Variants in GSE1 observed in about 807,000 individuals in gnomAD.
The protein encoded by GSE1 is genetic suppressor element 1.
GSE1 carries 32 observed loss-of-function variants against 112.6 expected under a neutral mutation model. That is an observed-to-expected ratio of 0.28 (90% confidence interval 0.21 to 0.38). The LOEUF (loss-of-function observed/expected upper bound fraction) is 0.38, where lower values mean the gene tolerates loss of function less well. GSE1 is among the 10% of genes least tolerant of loss of function. The probability of loss-of-function intolerance (pLI) is 1.00; values close to 1 mark genes in which losing one functional copy is unlikely to be tolerated. For missense variants in GSE1, 2,348 were observed against 1,699.2 expected, an observed-to-expected ratio of 1.38 and a Z score of -6.71; for synonymous variants, 1,115 against 735.6, an observed-to-expected ratio of 1.52 and a Z score of -8.35.
At chr16:85,430,502 C>T (rs2049094096) in intron 2 of GSE1, among the ~76,000 whole-genome samples, 2 of 152,198 alleles carry the variant, frequency 1.3e-5, no homozygotes, top group African/African-American at 2.4e-5. Context: ...GGAGCCCGGC[C>T]TGGGAATGAC....
chr16:85,245,348 C>T (rs763870265), intron 1 of GSE1, among the ~76,000 whole-genome samples: 12 of 152,214 alleles, frequency 7.9e-5, no homozygotes, highest in Non-Finnish European at 4.4e-5. Flanking sequence ...CCTCCCGAGA[C>T]TTTCTGCCGG....
chr16:85,170,323 G>A (rs1261607574), exon 1 of GSE1: 3 of 985,364 alleles, frequency 3.0e-6, no homozygotes, highest in African/African-American at 3.5e-5. Flanking sequence ...GGTTCCCGAG[G>A]CCCGGGCCAG....
At chr16:85,538,587 C>T (rs1249289210) in intron 2 of GSE1, among the ~76,000 whole-genome samples, 1 of 152,102 alleles carries the variant, frequency 6.6e-6, no homozygotes, top group Non-Finnish European at 1.5e-5. Flanking sequence ...CTAAAGGTGC[C>T]CTGGGGGAGC....
chr16:85,318,419 A>T (rs1279542426), intron 1 of GSE1, among the ~76,000 whole-genome samples: 1 of 152,068 alleles, frequency 6.6e-6, no homozygotes, highest in Non-Finnish European at 1.5e-5. Flanking sequence ...ATGCACCACT[A>T]TGCCTGGCTA....
intron 2 of GSE1, among the ~76,000 whole-genome samples, chr16:85,450,775 G>GT (rs1374288114): frequency 6.6e-6 from 1 of 151,472 alleles, no homozygotes; most frequent in Non-Finnish European, 1.5e-5. Flanking sequence ...TAAAAGCCAG[G>GT]TTTGGCCGGG....
intron 1 of GSE1, among the ~76,000 whole-genome samples, chr16:85,632,639 A>C (rs1338236327): frequency 6.6e-6 from 1 of 152,148 alleles, no homozygotes; most frequent in Non-Finnish European, 1.5e-5. Context: ...TGGGCTCTGG[A>C]GGCCAGGGCA....
At chr16:85,202,278 G>A (rs1330310081) in intron 1 of GSE1, among the ~76,000 whole-genome samples, 3 of 152,264 alleles carry the variant, frequency 2.0e-5, no homozygotes, top group Admixed American at 1.3e-4. Context: ...CCGAGGAAGG[G>A]CCTGAGTGTT....
intron 2 of GSE1, among the ~76,000 whole-genome samples, chr16:85,506,597 A>C (rs1282883477): frequency 7.2e-5 from 11 of 152,090 alleles, no homozygotes; most frequent in Non-Finnish European, 1.5e-5. Context: ...TGGCCCAGGT[A>C]GGGGAAAACG....
At chr16:85,288,954 G>C (rs1056471633) in intron 1 of GSE1, among the ~76,000 whole-genome samples, 9 of 152,188 alleles carry the variant, frequency 5.9e-5, no homozygotes, top group Non-Finnish European at 1.2e-4. Context: ...GGACACTGCA[G>C]GGAGGGGAGG....
chr16:85,396,497 C>T (rs780981717), intron 2 of GSE1, among the ~76,000 whole-genome samples: 2 of 152,234 alleles, frequency 1.3e-5, no homozygotes, highest in East Asian at 3.8e-4. Flanking sequence ...GCCGCTGTCC[C>T]GGATGCTCTC....
chr16:85,186,673 G>A (rs560694478), intron 1 of GSE1, among the ~76,000 whole-genome samples: 1 of 152,078 alleles, frequency 6.6e-6, no homozygotes, highest in East Asian at 1.9e-4. Flanking sequence ...TCAGGAGGCT[G>A]AGAATGGCCT....
At chr16:85,561,196 G>A (rs566839620) in intron 1 of GSE1, among the ~76,000 whole-genome samples, 1 of 151,912 alleles carries the variant, frequency 6.6e-6, no homozygotes, top group South Asian at 2.1e-4. Flanking sequence ...CCCATTCCAC[G>A]CCAGACACGG....
intron 1 of GSE1, among the ~76,000 whole-genome samples, chr16:85,356,609 T>C (rs1220842596): frequency 6.6e-6 from 1 of 152,226 alleles, no homozygotes; most frequent in African/African-American, 2.4e-5. Flanking sequence ...TCTCCTGCAA[T>C]AAATGAAGAC....
intron 2 of GSE1, among the ~76,000 whole-genome samples, chr16:85,387,992 GTGGA>G (rs58416051): frequency 0.27 from 27,574 of 102,416 alleles, 3,725 homozygotes; most frequent in East Asian, 0.55. Context: ...GGATGGGTGG[GTGGA>G]TGGATGGATG....
chr16:85,370,130 C>T (rs1049789863), intron 2 of GSE1, among the ~76,000 whole-genome samples: 1 of 152,154 alleles, frequency 6.6e-6, no homozygotes, highest in Admixed American at 6.5e-5. Context: ...TGCAGTTTAG[C>T]GTTTTCCCAG....
Position 85,410,316 on chromosome 16 carries a change from T to C in GSE1, c.2464+52673T>C, listed in dbSNP as rs867877909. On this transcript the variant is annotated intron_variant, in intron 2 of 2. Coordinates refer to the GSE1 transcript ENST00000637419. The stretch of plus-strand genomic sequence containing the variant: ...TCAGGGCCCCCTGGATAATCCTCAC[T>C]GTTACACTCAGGCCCCCCTGGATAA... 1.6e-3 allele frequency among the ~76,000 whole-genome samples: 59 copies of C among 35,934 alleles called. 2 individuals are homozygous for C. The highest frequency in any genetic ancestry group is 3.8e-3 in the South Asian group (3 of 784). The allele number at this position is 35,934 out of a possible 152,430, so 23.6% of individuals were successfully genotyped here.
chr16:85,181,999 A>G (rs1040449982), intron 1 of GSE1, among the ~76,000 whole-genome samples: 11 of 152,150 alleles, frequency 7.2e-5, no homozygotes, highest in South Asian at 4.1e-4. Context: ...CTCTTGTGCA[A>G]TTGTACCCAG....
At chr16:85,181,132 G>C (rs1470745289) in intron 1 of GSE1, among the ~76,000 whole-genome samples, 12 of 152,214 alleles carry the variant, frequency 7.9e-5, no homozygotes, top group Admixed American at 7.2e-4. Flanking sequence ...CACAGGGTCC[G>C]CTGGCCCCGG....
intron 2 of GSE1, among the ~76,000 whole-genome samples, chr16:85,515,653 C>A (rs1405030963): frequency 1.8e-5 from 2 of 113,382 alleles, no homozygotes; most frequent in Non-Finnish European, 3.7e-5. Flanking sequence ...GCGTGGAGGG[C>A]GGGGGCTGGA....
Sources: allele counts gnomAD v4.1 joint callset (sites outside exome capture counted in the v4.1 genomes callset), GRCh38; gene constraint gnomAD v4.1.1; transcripts MANE v1.5; gene names NCBI Gene and HGNC (gene_info 2026-07-23, HGNC 2026-07-21).